Variants in MRAP2 observed in about 807,000 individuals in gnomAD.
MRAP2 encodes melanocortin 2 receptor accessory protein 2, also known as melanocortin-2 receptor accessory protein 2.
MRAP2 carries 20 observed loss-of-function variants against 17.4 expected under a neutral mutation model. That is an observed-to-expected ratio of 1.15 (90% CI 0.81 to 1.67). The LOEUF (loss-of-function observed/expected upper bound fraction) is 1.67. Ranked by LOEUF, MRAP2 falls within the 40% of genes most tolerant of loss-of-function variation. The pLI, the probability that MRAP2 is intolerant of heterozygous loss-of-function variation, is 0.00. For missense variants in MRAP2, 238 were observed against 240.0 expected (o/e 0.99, Z 0.05); for synonymous variants, 96 against 88.4 (o/e 1.09, Z -0.48).
At chr6:84,135,319 G>A in the MRAP2 span, among the ~76,000 whole-genome samples, 1 of 152,180 alleles carries the variant, frequency 6.6e-6, no homozygotes, top group Non-Finnish European at 1.5e-5. Flanking sequence ...GTAAAAAAGA[G>A]TGATTCACCC....
chr6:84,145,819 C>G, the MRAP2 span, among the ~76,000 whole-genome samples: 6 of 152,080 alleles, frequency 3.9e-5, no homozygotes, highest in Non-Finnish European at 7.4e-5. Context: ...TAGACATACT[C>G]AAACTGTAAA....
chr6:84,091,615 C>G (rs1588666929), downstream of MRAP2, among the ~76,000 whole-genome samples: 1 of 152,218 alleles, frequency 6.6e-6, no homozygotes, highest in East Asian at 1.9e-4. Flanking sequence ...AAGTTCACAG[C>G]TACTTAAGTG....
At chr6:84,128,296 G>A in the MRAP2 span, among the ~76,000 whole-genome samples, 959 of 152,172 alleles carry the variant, frequency 6.3e-3, 5 homozygotes, top group Non-Finnish European at 8.6e-3. Flanking sequence ...AACTGAATAT[G>A]TACATATATT....
chr6:84,076,361 T>C (rs2099497613), intron 3 of MRAP2, among the ~76,000 whole-genome samples: 1 of 152,020 alleles, frequency 6.6e-6, no homozygotes, highest in Admixed American at 6.6e-5. Context: ...GTAGCTAGGA[T>C]TACAGGTGCC....
intron 1 of MRAP2, among the ~76,000 whole-genome samples, chr6:84,036,472 C>T (rs1460401492): frequency 6.6e-6 from 1 of 152,036 alleles, no homozygotes; most frequent in Non-Finnish European, 1.5e-5. Flanking sequence ...TCTGAGTTTG[C>T]TCCTTCTGAT....
At chr6:84,034,520 C>T (rs1373738693) in intron 1 of MRAP2, among the ~76,000 whole-genome samples, 16 of 148,176 alleles carry the variant, frequency 1.1e-4, no homozygotes, top group Admixed American at 9.4e-4. Context: ...CCCCGCGCCC[C>T]GTGCCCCGTG....
chr6:84,111,556 C>T, the MRAP2 span, among the ~76,000 whole-genome samples: 2 of 152,152 alleles, frequency 1.3e-5, no homozygotes, highest in Non-Finnish European at 2.9e-5. Context: ...CAAAAAGAGA[C>T]AATTTGACTT....
chr6:84,120,579 A>T, the MRAP2 span, among the ~76,000 whole-genome samples: 205 of 152,276 alleles, frequency 1.3e-3, no homozygotes, highest in Middle Eastern at 0.017. Flanking sequence ...TATATATAGA[A>T]CTGAAGACCT....
chr6:84,033,930 C>G (rs71570705), intron 1 of MRAP2, 47 bp downstream of exon 1: 46,383 of 985,018 alleles, frequency 0.047, 1,661 homozygotes, highest in African/African-American at 0.17. Flanking sequence ...AAAGCCCGGG[C>G]GCTGGGTGCG....
chr6:84,063,019 T>C, intron 3 of MRAP2, 27 bp downstream of exon 3: 1 of 1,613,804 alleles, frequency 6.2e-7, no homozygotes, highest in Non-Finnish European at 8.5e-7. Flanking sequence ...CCTAAATGTC[T>C]CTTAAGCCTC....
intron 2 of MRAP2, among the ~76,000 whole-genome samples, chr6:84,060,082 C>G (rs2099492711): frequency 6.6e-6 from 1 of 152,092 alleles, no homozygotes; most frequent in Admixed American, 6.6e-5. Flanking sequence ...GTGGAAATAA[C>G]TTGAGGAAGC....
At chr6:84,104,704 T>G in the MRAP2 span, among the ~76,000 whole-genome samples, 2 of 151,964 alleles carry the variant, frequency 1.3e-5, no homozygotes, top group Non-Finnish European at 2.9e-5. Context: ...CTGTCTCTAC[T>G]AAAAATACAA....
At chr6:84,138,705 T>C in the MRAP2 span, among the ~76,000 whole-genome samples, 1 of 152,230 alleles carries the variant, frequency 6.6e-6, no homozygotes, top group Non-Finnish European at 1.5e-5. Flanking sequence ...TACCATTGTA[T>C]TGCTAAATTA....
chr6:84,060,912 G>A lies in MRAP2; in HGVS notation c.128-1981G>A, dbSNP rs573643887. 2.7e-5 allele frequency among the ~76,000 whole-genome samples: 4 copies of A among 148,884 alleles called. No individual in the cohort carries two copies. In the South Asian group the frequency reaches 8.5e-4, roughly 32 times the overall value. On this transcript the variant is annotated intron_variant, in intron 2 of 3. Transcript: ENST00000257776. ...GACGGGGTTTCACTGTCTTAGCCAG[G>A]ATGGTTTTGATCTCCTGACCTCGTG...
At chr6:84,112,391 AG>A in the MRAP2 span, among the ~76,000 whole-genome samples, 2 of 152,198 alleles carry the variant, frequency 1.3e-5, no homozygotes, top group Admixed American at 1.3e-4. Flanking sequence ...TAATTTGCAC[AG>A]GGGTGTTTAT....
At chr6:84,126,621 C>T in the MRAP2 span, 1 of 717,390 alleles carries the variant, frequency 1.4e-6, no homozygotes, top group Non-Finnish European at 2.1e-6. Flanking sequence ...GTAAGAGGCA[C>T]CTTGGATTGT....
intron 1 of MRAP2, among the ~76,000 whole-genome samples, chr6:84,035,911 CAT>C (rs1446926559): frequency 6.6e-6 from 1 of 152,164 alleles, no homozygotes; most frequent in African/African-American, 2.4e-5. Flanking sequence ...TTTTATCAAA[CAT>C]ATTAAATTAG....
chr6:84,077,226 G>C (rs1329773832), intron 3 of MRAP2, among the ~76,000 whole-genome samples: 1 of 152,232 alleles, frequency 6.6e-6, no homozygotes, highest in African/African-American at 2.4e-5. Context: ...AGGAGGGACA[G>C]ATTTCTTCCC....
chr6:84,066,259 T>C (rs891400665), intron 3 of MRAP2, among the ~76,000 whole-genome samples: 6 of 152,126 alleles, frequency 3.9e-5, no homozygotes, highest in Admixed American at 1.3e-4. Flanking sequence ...TAAGGAAAAA[T>C]AACTTTTTAT....
Sources: allele counts gnomAD v4.1 joint callset (sites outside exome capture counted in the v4.1 genomes callset), GRCh38; gene constraint gnomAD v4.1.1; transcripts MANE v1.5; gene names NCBI Gene and HGNC (gene_info 2026-07-23, HGNC 2026-07-21).